OOEP: variants seen among roughly 807,000 people sequenced by gnomAD.
The protein encoded by OOEP is oocyte-expressed protein homolog.
In OOEP, 16 loss-of-function variants were observed where a neutral mutation model predicts 13.7. The ratio of observed to expected loss-of-function variants is 1.16; its 90% CI spans 0.79 to 1.77. The LOEUF (loss-of-function observed/expected upper bound fraction) is 1.77. Among genes scored for constraint, OOEP ranks in the 40% most tolerant of loss-of-function variants. OOEP has a pLI of 0.00. For missense variants in OOEP, 195 were observed against 193.1 expected, an observed-to-expected ratio of 1.01 and a Z score of -0.06; for synonymous variants, 89 against 77.1, an observed-to-expected ratio of 1.15 and a Z score of -0.81.
intron 2 of OOEP, among the ~76,000 whole-genome samples, chr6:73,378,911 T>G (rs1769166784): frequency 6.6e-6 from 1 of 152,128 alleles, no homozygotes; most frequent in African/African-American, 2.4e-5. Context: ...AGAGCTTTTG[T>G]TTTGTAAGGT....
At chr6:73,387,734 G>A (rs1367222204) in intron 2 of OOEP, 1 of 151,988 alleles carries the variant, frequency 6.6e-6, no homozygotes, top group East Asian at 1.9e-4. Context: ...TGGGACTACA[G>A]GTACGTGCCA....
At chr6:73,379,001 A>G (rs984164023) in intron 2 of OOEP, among the ~76,000 whole-genome samples, 2 of 152,102 alleles carry the variant, frequency 1.3e-5, no homozygotes, top group Non-Finnish European at 2.9e-5. Flanking sequence ...GTTAACATGG[A>G]TAACCTTTTA....
At chr6:73,380,412 T>C (rs1035156486) in intron 2 of OOEP, among the ~76,000 whole-genome samples, 3 of 152,044 alleles carry the variant, frequency 2.0e-5, no homozygotes, top group Middle Eastern at 3.2e-3. Flanking sequence ...TGCTAATGAG[T>C]GTTCATAGTA....
intron 2 of OOEP, among the ~76,000 whole-genome samples, chr6:73,376,876 T>C (rs1432515224): frequency 6.6e-6 from 1 of 152,192 alleles, no homozygotes; most frequent in Non-Finnish European, 1.5e-5. Context: ...GGTCTCGAAC[T>C]CCTGACCTCA....
upstream of OOEP, chr6:73,373,342 T>C (rs1769090108): frequency 2.2e-6 from 3 of 1,387,570 alleles, no homozygotes; most frequent in East Asian, 6.9e-5. Flanking sequence ...TTTTCTTTTT[T>C]GAGACAGGGT....
intron 2 of OOEP, among the ~76,000 whole-genome samples, chr6:73,380,982 C>T (rs2150781414): frequency 6.6e-6 from 1 of 151,768 alleles, no homozygotes; most frequent in East Asian, 1.9e-4. Context: ...AACCCTATCT[C>T]TACTAAAAAT....
Position 73,368,712 on chromosome 6 carries a change from A to G in OOEP, c.*72T>C. The G allele has an allele frequency of 1.0e-6, 1 of 986,664 alleles. No homozygotes were observed. The highest frequency in any genetic ancestry group is 1.6e-5 in the African/African-American group (1 of 63,268). 61.1% of individuals were successfully genotyped at this position (986,664 alleles called of 1,614,324 possible). ...AGGAATACGGGGATTTAAGAATGCTATACTTGCTTTTCTTCAACTTTAGCA... is the reference window on the plus strand; with the variant it reads ...AGGAATACGGGGATTTAAGAATGCTGTACTTGCTTTTCTTCAACTTTAGCA... On this transcript the variant is annotated 3_prime_UTR_variant, in exon 3 of 3. Coordinates refer to ENST00000370359, the MANE Select transcript of OOEP (RefSeq NM_001080507.3).
chr6:73,374,117 G>C (rs1369716080), upstream of OOEP, among the ~76,000 whole-genome samples: 1 of 152,006 alleles, frequency 6.6e-6, no homozygotes, highest in East Asian at 1.9e-4. Context: ...GAGTGCACAA[G>C]GTCGAGGCTG....
chr6:73,371,196 A>G (rs1769048525), upstream of OOEP, among the ~76,000 whole-genome samples: 2 of 152,160 alleles, frequency 1.3e-5, no homozygotes, highest in African/African-American at 4.8e-5. Context: ...TCTGCCCCTG[A>G]TCCCACCCCC....
intron 2 of OOEP, among the ~76,000 whole-genome samples, chr6:73,382,018 A>C (rs1012808230): frequency 6.6e-6 from 1 of 152,052 alleles, no homozygotes; most frequent in Non-Finnish European, 1.5e-5. Context: ...AAAGGATTGT[A>C]ACTTTGGGTT....
At position 73,369,195 on chromosome 6, in the gene OOEP, A is replaced by C. The variant is rs1769003139; in HGVS notation, c.370+11T>G. 1 of 1,603,840 alleles carries C rather than the reference A, an allele frequency of 6.2e-7. No homozygotes were observed. The highest frequency in any genetic ancestry group is 2.2e-5 in the East Asian group (1 of 44,806). ...GGCTTCCTCCACATGCAGGTTCTCA[A>C]AGACCCTCACCTCGGGCACGATGTT... On this transcript the variant is annotated intron_variant, in intron 2 of 2. Coordinates refer to ENST00000370359, the MANE Select transcript of OOEP (RefSeq NM_001080507.3).
intron 2 of OOEP, among the ~76,000 whole-genome samples, chr6:73,392,480 A>G (rs542796839): frequency 4.0e-5 from 6 of 151,480 alleles, no homozygotes; most frequent in Non-Finnish European, 8.8e-5. Flanking sequence ...AATTTTTTGT[A>G]TTTAGTAGAG....
At chr6:73,373,313 G>C, upstream of OOEP, 1 of 1,531,336 alleles carries the variant, frequency 6.5e-7, no homozygotes, top group Non-Finnish European at 9.0e-7. Context: ...AAAGGAAGAG[G>C]GCTCCTTCTC....
At chr6:73,392,534 C>T (rs927918171) in intron 2 of OOEP, among the ~76,000 whole-genome samples, 1 of 151,018 alleles carries the variant, frequency 6.6e-6, no homozygotes, top group African/African-American at 2.4e-5. Context: ...GAACTCCTGA[C>T]CTCAGATGAT....
chr6:73,372,446 T>C (rs554612259), upstream of OOEP, among the ~76,000 whole-genome samples: 1 of 152,136 alleles, frequency 6.6e-6, no homozygotes, highest in African/African-American at 2.4e-5. Flanking sequence ...GAAGAAATGA[T>C]CCTGTGGGAT....
At chr6:73,373,181 C>T (rs568931931), upstream of OOEP, 64 of 1,611,896 alleles carry the variant, frequency 4.0e-5, no homozygotes, top group East Asian at 1.8e-4. Flanking sequence ...AGTTTTCATC[C>T]GAATCCACTG....
At chr6:73,380,063 C>A (rs1322865477) in intron 2 of OOEP, among the ~76,000 whole-genome samples, 1 of 152,112 alleles carries the variant, frequency 6.6e-6, no homozygotes, top group Non-Finnish European at 1.5e-5. Flanking sequence ...GATTTTGTAA[C>A]ATCACTCATT....
rs188471513 is a variant in OOEP, at chr6:73,376,953, A to G, written c.26-7568T>C. 2.9e-3 allele frequency among the ~76,000 whole-genome samples: 441 copies of G among 152,254 alleles called. 9 individuals are homozygous for G. The highest frequency in any genetic ancestry group is 7.6e-4 in the Non-Finnish European group (52 of 68,026). ...AGGCGTGAGCCACTGCACCCAGCCCATGATTTTATTTCTCTCTTCCTCTCT... is the reference window on the plus strand; with the variant it reads ...AGGCGTGAGCCACTGCACCCAGCCCGTGATTTTATTTCTCTCTTCCTCTCT... On this transcript the variant is annotated intron_variant, in intron 2 of 3. Coordinates refer to the OOEP transcript ENST00000370363.
chr6:73,394,252 T>G lies in OOEP; in HGVS notation c.25+94A>C, dbSNP rs549133789. On this transcript the variant is annotated intron_variant, in intron 2 of 3. Coordinates refer to the OOEP transcript ENST00000370363. ...TAAAATAAGCGTAAATGTATCAAAA[T>G]GCAGCTTACATAGCGAGGATAAATG... is the stretch of plus-strand genomic sequence containing the variant. 76 of 678,830 alleles carry G rather than the reference T, an allele frequency of 1.1e-4. No individual in the cohort carries two copies. The African/African-American group carries it at 1.3e-3, about 11-fold the overall frequency. 42.1% of individuals were successfully genotyped at this position (678,830 alleles called of 1,614,324 possible). A position where few individuals can be genotyped will look rare whatever the true frequency, so the allele number is the denominator to read the frequency against.
Sources: gnomAD v4.1 joint callset for allele counts (sites outside exome capture counted in the v4.1 genomes callset) on GRCh38, gnomAD v4.1.1 for gene constraint, MANE v1.5 for transcripts, NCBI Gene and HGNC (gene_info 2026-07-23, HGNC 2026-07-21) for gene names.